The following DLG2 variants were observed in gnomAD, a reference collection of about 807,000 sequenced individuals.
The protein encoded by DLG2 is discs large MAGUK scaffold protein 2.
A neutral mutation model predicts 132.5 loss-of-function variants in DLG2; 45 were observed. That is an observed-to-expected ratio of 0.34 (90% CI 0.27 to 0.44). The LOEUF (loss-of-function observed/expected upper bound fraction) is 0.44. Among genes scored for constraint, DLG2 ranks in the 20% least tolerant of loss-of-function variants. DLG2 has a pLI of 1.00. For missense variants in DLG2, 1,045 were observed against 1,196.9 expected (o/e 0.87, Z 1.87); for synonymous variants, 424 against 419.6 (o/e 1.01, Z -0.13).
At chr11:83,732,535 G>A (rs113997303) in intron 18 of DLG2, among the ~76,000 whole-genome samples, 1,894 of 152,254 alleles carry the variant, frequency 0.012, 21 homozygotes, top group African/African-American at 0.034. Flanking sequence ...GTGAAATGAT[G>A]GGGATCACAA....
At chr11:84,424,159 A>G (rs749634048) in intron 7 of DLG2, among the ~76,000 whole-genome samples, 1 of 152,114 alleles carries the variant, frequency 6.6e-6, no homozygotes, top group African/African-American at 2.4e-5. Context: ...AATGACAGTA[A>G]TCCTAGTATC....
At chr11:85,621,054 A>G (rs2081658083) in intron 2 of DLG2, among the ~76,000 whole-genome samples, 1 of 152,212 alleles carries the variant, frequency 6.6e-6, no homozygotes, top group Non-Finnish European at 1.5e-5. Flanking sequence ...GTTGAAGCCA[A>G]TGCTCATTTA....
intron 6 of DLG2, among the ~76,000 whole-genome samples, chr11:84,708,444 T>C (rs2060008250): frequency 6.6e-6 from 1 of 151,910 alleles, no homozygotes; most frequent in South Asian, 2.1e-4. Flanking sequence ...CCACTTTCTC[T>C]AAGACCGTTT....
chr11:83,891,506 T>C (rs1238764913), intron 15 of DLG2, among the ~76,000 whole-genome samples: 1 of 152,204 alleles, frequency 6.6e-6, no homozygotes, highest in Non-Finnish European at 1.5e-5. Flanking sequence ...GCCACTTTTG[T>C]AGTTTAGAAT....
chr11:85,076,815 C>T (rs1226485921), intron 6 of DLG2, among the ~76,000 whole-genome samples: 1 of 151,942 alleles, frequency 6.6e-6, no homozygotes, highest in East Asian at 1.9e-4. Context: ...GAAAGATGAC[C>T]CCTTGACTGG....
rs776133698 is a variant in DLG2, at chr11:84,825,158, A to AT, written c.357+286502dup. On this transcript the variant is annotated intron_variant, in intron 6 of 27. Transcript: ENST00000376104. The stretch of plus-strand genomic sequence containing the variant: ...CTGCTCAAGCTCTGGGCACAGTGTG[A>AT]TATAGCACACCCTGGACTGGACTTC... Among the ~76,000 whole-genome samples, 3 of 151,892 alleles carry AT rather than the reference A, an allele frequency of 2.0e-5. 1 individual carries two copies. Among genetic ancestry groups the AT allele is most frequent in the Non-Finnish European group, 4.4e-5 (3 of 67,886 alleles).
At chr11:84,033,899 AAAACAAAC>A (rs138062026) in intron 11 of DLG2, among the ~76,000 whole-genome samples, 176 of 150,036 alleles carry the variant, frequency 1.2e-3, no homozygotes, top group African/African-American at 4.1e-3. Flanking sequence ...AACAAAAACA[AAAACAAAC>A]AAACAAACAA....
chr11:83,868,530 A>T (rs942029465), intron 16 of DLG2, among the ~76,000 whole-genome samples: 5 of 152,164 alleles, frequency 3.3e-5, no homozygotes, highest in Non-Finnish European at 5.9e-5. Flanking sequence ...GTGTGTGTAT[A>T]TATACATATA....
intron 19 of DLG2, among the ~76,000 whole-genome samples, chr11:83,562,554 T>C (rs1384573505): frequency 6.6e-6 from 1 of 152,222 alleles, no homozygotes; most frequent in Non-Finnish European, 1.5e-5. Flanking sequence ...TTATTAAGGC[T>C]TTTATTTGAA....
chr11:84,623,908 A>C (rs2099617997), intron 6 of DLG2, among the ~76,000 whole-genome samples: 1 of 152,138 alleles, frequency 6.6e-6, no homozygotes, highest in Non-Finnish European at 1.5e-5. Flanking sequence ...TATTATCCTA[A>C]TATTCTTCTC....
At chr11:84,230,221 A>C (rs557384908) in intron 8 of DLG2, among the ~76,000 whole-genome samples, 15 of 152,222 alleles carry the variant, frequency 9.9e-5, no homozygotes, top group African/African-American at 3.4e-4. Flanking sequence ...TGTTTACAAA[A>C]TAACTAAGAT....
intron 6 of DLG2, among the ~76,000 whole-genome samples, chr11:85,005,687 C>A (rs1048635590): frequency 1.3e-5 from 2 of 152,308 alleles, no homozygotes; most frequent in Middle Eastern, 3.4e-3. Flanking sequence ...AGACAATTTA[C>A]TTCCTCTCTT....
rs145475185 is a variant in DLG2 at position 83,530,135 on chromosome 11, A to T, written c.2193+2573T>A. Among the ~76,000 whole-genome samples, 526 of 152,034 alleles carry T rather than the reference A, an allele frequency of 3.5e-3. 6 individuals are homozygous for T. The highest frequency in any genetic ancestry group is 0.012 in the African/African-American group (493 of 41,522). On this transcript the variant is annotated intron_variant, in intron 21 of 27. Transcript: ENST00000376104. ...CTATCTATCCATCTATCTCAAACAA[A>T]TAAGAGGTCTATCCTTAAATTCTCA...
chr11:84,377,441 T>C (rs866898170), intron 7 of DLG2, among the ~76,000 whole-genome samples: 1 of 152,008 alleles, frequency 6.6e-6, no homozygotes, highest in African/African-American at 2.4e-5. Flanking sequence ...TAAGGGGAAT[T>C]TGACTTATAT....
At chr11:85,314,994 G>A (rs767320743) in intron 3 of DLG2, among the ~76,000 whole-genome samples, 1 of 152,006 alleles carries the variant, frequency 6.6e-6, no homozygotes, top group Non-Finnish European at 1.5e-5. Flanking sequence ...GAAAGTGAGA[G>A]GCAACTCAGG....
At chr11:85,361,807 AT>A (rs2084176509) in intron 3 of DLG2, among the ~76,000 whole-genome samples, 1 of 152,018 alleles carries the variant, frequency 6.6e-6, no homozygotes, top group African/African-American at 2.4e-5. Context: ...TTCCTTTTGA[AT>A]TTGGGGATTG....
chr11:85,043,081 C>T (rs1030940632), intron 6 of DLG2, among the ~76,000 whole-genome samples: 1 of 151,812 alleles, frequency 6.6e-6, no homozygotes, highest in Admixed American at 6.6e-5. Context: ...TTTGCAACAA[C>T]ATAATGACTG....
At chr11:84,682,154 C>G (rs142402373) in intron 6 of DLG2, among the ~76,000 whole-genome samples, 1 of 152,234 alleles carries the variant, frequency 6.6e-6, no homozygotes, top group African/African-American at 2.4e-5. Flanking sequence ...ACCCAAACAC[C>G]TCGCATTAAG....
intron 12 of DLG2, among the ~76,000 whole-genome samples, chr11:83,978,497 T>C (rs1370047037): frequency 6.6e-6 from 1 of 152,160 alleles, no homozygotes; most frequent in Non-Finnish European, 1.5e-5. Flanking sequence ...GTCTTATACC[T>C]TAATGACAAC....
Sources: allele counts gnomAD v4.1 joint callset (sites outside exome capture counted in the v4.1 genomes callset), GRCh38; gene constraint gnomAD v4.1.1; transcripts MANE v1.5; gene names NCBI Gene and HGNC (gene_info 2026-07-23, HGNC 2026-07-21).